Variants in ADGRV1 observed in about 807,000 individuals in gnomAD.
ADGRV1 encodes the protein adhesion G protein-coupled receptor V1.
Under a neutral mutation model 596.2 loss-of-function variants are expected in ADGRV1, and 359 were observed. That is an observed-to-expected ratio of 0.60 (90% CI 0.55 to 0.66). The LOEUF is 0.66. ADGRV1 is among the 30% of genes least tolerant of loss of function. ADGRV1 has a pLI of 0.00. For missense variants in ADGRV1, 7,274 were observed against 7,575.6 expected (o/e 0.96, Z 1.48); for synonymous variants, 2,681 against 2,679.2 (o/e 1.00, Z -0.02).
At chr5:91,004,827 G>T (rs1251296510) in intron 85 of ADGRV1, among the ~76,000 whole-genome samples, 2 of 152,156 alleles carry the variant, frequency 1.3e-5, no homozygotes, top group Non-Finnish European at 1.5e-5. Context: ...ATAGAAGCGA[G>T]GGGGAGGGCT....
intron 86 of ADGRV1, among the ~76,000 whole-genome samples, chr5:91,089,747 G>A (rs143492815): frequency 1.6e-3 from 239 of 152,226 alleles, no homozygotes; most frequent in Non-Finnish European, 2.6e-3. Context: ...AAAGATAACT[G>A]GCTATTCATG....
intron 1 of ADGRV1, among the ~76,000 whole-genome samples, chr5:90,560,989 G>A (rs1432447541): frequency 6.6e-6 from 1 of 152,088 alleles, no homozygotes; most frequent in Non-Finnish European, 1.5e-5. Flanking sequence ...AGTAGAATTA[G>A]CTGTGACTAA....
At chr5:90,583,781 G>T (rs952765312) in intron 1 of ADGRV1, among the ~76,000 whole-genome samples, 6 of 152,148 alleles carry the variant, frequency 3.9e-5, no homozygotes, top group African/African-American at 1.4e-4. Context: ...ATTCATTAAT[G>T]TTGGAAATAA....
intron 32 of ADGRV1, 64 bp downstream of exon 32, chr5:90,692,850 C>A: frequency 8.1e-7 from 1 of 1,232,054 alleles, no homozygotes; most frequent in Non-Finnish European, 1.1e-6. Flanking sequence ...GGGGAAGGAT[C>A]CCTTGCACAG....
chr5:91,119,551 A>G (rs1793130937), intron 87 of ADGRV1, among the ~76,000 whole-genome samples: 1 of 152,226 alleles, frequency 6.6e-6, no homozygotes, highest in African/African-American at 2.4e-5. Flanking sequence ...TTTTCTAAGG[A>G]AGGAACTGGC....
intron 85 of ADGRV1, among the ~76,000 whole-genome samples, chr5:91,052,516 C>T (rs922740284): frequency 1.3e-5 from 2 of 151,768 alleles, no homozygotes; most frequent in African/African-American, 4.8e-5. Context: ...CTCACTGCAG[C>T]CTCCACCTCC....
chr5:90,606,417 C>CT (rs1441395594), intron 1 of ADGRV1, among the ~76,000 whole-genome samples: 1 of 152,130 alleles, frequency 6.6e-6, no homozygotes, highest in Non-Finnish European at 1.5e-5. Context: ...ACAGGTAAAG[C>CT]TATTCAAGAT....
chr5:90,759,716 A>G (rs1273829609), intron 58 of ADGRV1, 128 bp downstream of exon 58: 4 of 795,934 alleles, frequency 5.0e-6, no homozygotes, highest in Non-Finnish European at 8.4e-6. Flanking sequence ...CAGTAATCCC[A>G]GCACTTTGGG....
At chr5:91,025,604 A>G (rs1194514118) in intron 85 of ADGRV1, among the ~76,000 whole-genome samples, 1 of 152,198 alleles carries the variant, frequency 6.6e-6, no homozygotes, top group Admixed American at 6.5e-5. Flanking sequence ...AGACTGCCAC[A>G]GGCAAAAGAC....
At chr5:90,953,057 G>A (rs1446722281) in intron 83 of ADGRV1, among the ~76,000 whole-genome samples, 1 of 152,106 alleles carries the variant, frequency 6.6e-6, no homozygotes, top group Non-Finnish European at 1.5e-5. Context: ...GGGAACACTG[G>A]TATTAACAGA....
chr5:90,764,824 C>T (rs1304616528), intron 59 of ADGRV1, among the ~76,000 whole-genome samples: 16 of 152,186 alleles, frequency 1.1e-4, no homozygotes, highest in Non-Finnish European at 1.5e-5. Flanking sequence ...ACCAGTATGG[C>T]ACCCTCCATC....
At chr5:90,759,899 A>C (rs1472321544) in intron 58 of ADGRV1, 1 of 288,484 alleles carries the variant, frequency 3.5e-6, no homozygotes, top group Non-Finnish European at 6.5e-6. Context: ...CAGGAGGCAG[A>C]GGTTGCAGTG....
At chr5:90,814,507 G>A (rs1762722678) in intron 74 of ADGRV1, among the ~76,000 whole-genome samples, 1 of 152,132 alleles carries the variant, frequency 6.6e-6, no homozygotes, top group Admixed American at 6.5e-5. Flanking sequence ...CATGTGTCAA[G>A]GGTGGGATCT....
At chr5:91,079,838 TC>T (rs1789182336) in intron 86 of ADGRV1, among the ~76,000 whole-genome samples, 1 of 152,140 alleles carries the variant, frequency 6.6e-6, no homozygotes. Flanking sequence ...ACATCTTTTT[TC>T]TAGGTGGACA....
chr5:90,596,069 C>T (rs542456350), intron 1 of ADGRV1, among the ~76,000 whole-genome samples: 7 of 149,318 alleles, frequency 4.7e-5, no homozygotes, highest in African/African-American at 1.5e-4. Context: ...CCTCACTTCT[C>T]AGACGGGGCG....
At chr5:90,803,505 A>C (rs1463994189) in intron 71 of ADGRV1, among the ~76,000 whole-genome samples, 1 of 151,900 alleles carries the variant, frequency 6.6e-6, no homozygotes, top group Non-Finnish European at 1.5e-5. Flanking sequence ...ATTCTATCCT[A>C]CTCCTTCAGG....
At chr5:90,744,390 A>G (rs1164489390) in intron 50 of ADGRV1, among the ~76,000 whole-genome samples, 2 of 152,174 alleles carry the variant, frequency 1.3e-5, no homozygotes, top group African/African-American at 2.4e-5. Context: ...TAATTAATTA[A>G]CTTGAAGAAT....
chr5:91,003,855 A>G (rs1472864215), intron 85 of ADGRV1, among the ~76,000 whole-genome samples: 2 of 152,192 alleles, frequency 1.3e-5, no homozygotes, highest in Non-Finnish European at 2.9e-5. Flanking sequence ...TAAGAAGGAC[A>G]TGTATAATGA....
At position 90,720,983 on chromosome 5, in the gene ADGRV1, T is replaced by C; in HGVS notation, c.9672T>C (p.Asn3224=). 6.2e-7 allele frequency: 1 copy of C among 1,612,666 alleles called. No individual in the cohort carries two copies. Among genetic ancestry groups the C allele is most frequent in the Non-Finnish European group, 8.5e-7 (1 of 1,178,976 alleles). The change falls in exon 45 of 90, where the codon AAT becomes AAC. Residue 3224 remains asparagine (N), a synonymous_variant. Transcript: ENST00000405460. ...IEEANRTVYL[N]VSRTNGIDLA... is the part of the protein sequence containing the mutation. Reference sequence around the variant, plus strand: ...AAGCCAATAGGACCGTGTATTTAAATGTATCTCGAACTAATGGCATTGATT... The same window carrying C: ...AAGCCAATAGGACCGTGTATTTAAACGTATCTCGAACTAATGGCATTGATT...
Sources: allele counts gnomAD v4.1 joint callset (sites outside exome capture counted in the v4.1 genomes callset), GRCh38; gene constraint gnomAD v4.1.1; transcripts MANE v1.5; gene names NCBI Gene and HGNC (gene_info 2026-07-23, HGNC 2026-07-21).